COL27A1: variants seen among roughly 807,000 people sequenced by gnomAD.
The protein encoded by COL27A1 is collagen type XXVII alpha 1 chain.
Under a neutral mutation model 251.3 loss-of-function variants are expected in COL27A1, and 106 were observed. The ratio of observed to expected loss-of-function variants is 0.42; its 90% confidence interval spans 0.36 to 0.50. The LOEUF (loss-of-function observed/expected upper bound fraction) is 0.50, where lower values mean the gene tolerates loss of function less well. Ranked by LOEUF, COL27A1 falls within the 20% of genes least tolerant of loss-of-function variation. COL27A1 has a pLI of 0.00. For missense variants in COL27A1, 2,325 were observed against 2,522.8 expected, an observed-to-expected ratio of 0.92 and a Z score of 1.68; for synonymous variants, 1,000 against 986.3, an observed-to-expected ratio of 1.01 and a Z score of -0.26.
Position 114,270,747 on chromosome 9 carries a change from G to A in COL27A1, c.3575G>A (p.Gly1192Asp). 6.2e-7 allele frequency: 1 copy of A among 1,613,052 alleles called. No individual in the cohort carries two copies. The highest frequency in any genetic ancestry group is 8.5e-7 in the Non-Finnish European group (1 of 1,179,524). Reference protein sequence around the residue: ...IGQRGEPGLEGDSGPMGPDGL... With the variant: ...IGQRGEPGLEDDSGPMGPDGL... The stretch of plus-strand genomic sequence containing the variant: ...TTCCAGGGAGAGCCAGGCCTTGAGG[G>A]TGACAGTGGCCCCATGGGACCTGAT... The change falls in exon 36 of 61, where the codon GGT (glycine) becomes GAT (aspartate). Residue 1192 changes from glycine to aspartate, a missense_variant. Around this residue, in one of 4 missense-constraint regions of COL27A1, gnomAD observed 662 missense variants for 795.3 expected, o/e 0.83. Coordinates refer to ENST00000356083, the MANE Select transcript of COL27A1 (RefSeq NM_032888.4).
At chr9:114,257,010 A>C (rs1263945346) in intron 27 of COL27A1, among the ~76,000 whole-genome samples, 1 of 152,152 alleles carries the variant, frequency 6.6e-6, no homozygotes, top group Non-Finnish European at 1.5e-5. Flanking sequence ...GCCCGGGTCC[A>C]CACCCTGCTT....
intron 5 of COL27A1, among the ~76,000 whole-genome samples, chr9:114,186,432 G>A (rs542838434): frequency 5.9e-5 from 9 of 152,338 alleles, no homozygotes; most frequent in Non-Finnish European, 1.0e-4. Flanking sequence ...AGAGGTGAGC[G>A]AGAAAGCAAA....
intron 10 of COL27A1, among the ~76,000 whole-genome samples, chr9:114,207,284 A>G (rs1830033644): frequency 6.6e-6 from 1 of 152,056 alleles, no homozygotes; most frequent in South Asian, 2.1e-4. Context: ...GGCTGTTAGG[A>G]GAGTGTGGGG....
Position 114,290,888 on chromosome 9 carries a change from C to G in COL27A1, c.4447C>G (p.Pro1483Ala). Residue 1483 changes from proline (P) to alanine (A), a missense_variant, in exon 48 of 61, where the codon CCT becomes GCT. By Grantham distance (27) the Pro-to-Ala change is conservative. Around this residue, in one of 4 missense-constraint regions of COL27A1, gnomAD observed 153 missense variants for 140.7 expected, o/e 1.09. Coordinates refer to ENST00000356083, the MANE Select transcript of COL27A1 (RefSeq NM_032888.4). This position sits in a 1 kb window ranked among gnomAD's most constrained non-coding sequence, Gnocchi z 4.6. ...KRGNPGVAGL[P>A]GAQGPPGFKG... ...AGGAAATCCAGGTGTGGCCGGCTTACCTGGAGCACAGGGACCCCCAGGATT... is the reference window on the plus strand; with the variant it reads ...AGGAAATCCAGGTGTGGCCGGCTTAGCTGGAGCACAGGGACCCCCAGGATT... 1 of 1,551,694 alleles carries G rather than the reference C, an allele frequency of 6.4e-7. No individual in the cohort carries two copies. The highest frequency in any genetic ancestry group is 8.7e-7 in the Non-Finnish European group (1 of 1,147,004).
At chr9:114,250,550 G>T (rs1833469853) in intron 24 of COL27A1, 65 bp from the exon 25 acceptor site, 1 of 1,458,384 alleles carries the variant, frequency 6.9e-7, no homozygotes, top group South Asian at 1.1e-5. Context: ...TTCAGGGGAA[G>T]GAGCGGGAGG....
Position 114,169,415 on chromosome 9 carries a change from C to T in COL27A1, c.1860C>T (p.Phe620=), listed in dbSNP as rs749117042. Residue 620 remains phenylalanine (F), a synonymous_variant, in exon 3 of 61, where the codon TTC becomes TTT. Transcript: ENST00000356083. ...SIFHLAGSTP[F]PLLMGPPGPK... Reference sequence around the variant, plus strand: ...TCCACCTGGCAGGATCTACGCCTTTCCCTCTGCTGATGGGGCCTCCGGGAC... The same window carrying T: ...TCCACCTGGCAGGATCTACGCCTTTTCCTCTGCTGATGGGGCCTCCGGGAC... The T allele has an allele frequency of 6.3e-7, 1 of 1,587,454 alleles. No homozygotes were observed. Among genetic ancestry groups the T allele is most frequent in the Admixed American group, 1.8e-5 (1 of 56,384 alleles).
chr9:114,270,318 A>G (rs1293184607), intron 35 of COL27A1, among the ~76,000 whole-genome samples: 1 of 152,222 alleles, frequency 6.6e-6, no homozygotes, highest in Non-Finnish European at 1.5e-5. Context: ...ACCAAGAAGT[A>G]GCATTGACGT....
chr9:114,238,606 A>G (rs1334380918), intron 19 of COL27A1, among the ~76,000 whole-genome samples: 3 of 152,202 alleles, frequency 2.0e-5, no homozygotes, highest in Admixed American at 2.0e-4. Context: ...AAAAGCTACA[A>G]GTTCTGACTT....
chr9:114,288,641 C>T (rs1331703632), intron 42 of COL27A1, 61 bp from the exon 43 acceptor site: 1 of 1,576,678 alleles, frequency 6.3e-7, no homozygotes, highest in African/African-American at 1.3e-5. Flanking sequence ...GCCAACAGGG[C>T]CCAGGGCTGG....
intron 14 of COL27A1, among the ~76,000 whole-genome samples, chr9:114,228,469 G>A (rs985832756): frequency 5.9e-5 from 9 of 152,198 alleles, no homozygotes; most frequent in East Asian, 1.9e-4. Flanking sequence ...GCAGCTCTCT[G>A]CAGAGAGCTG....
chr9:114,167,743 C>A lies in COL27A1; in HGVS notation c.188C>A (p.Ala63Glu). Residue 63 changes from alanine to glutamate, a missense_variant, in exon 3 of 61, where the codon GCA (alanine) becomes GAA (glutamate). Ala to Glu is a moderately radical substitution (Grantham distance 107, BLOSUM62 -1). Around this residue, in one of 4 missense-constraint regions of COL27A1, gnomAD observed 1,183 missense variants for 1,144.1 expected, o/e 1.03. Transcript: ENST00000356083. ...AGCTGGACGAAGGCCGGGAGCCCTG[C>A]ACCCCCGGGAGTCATTCCTTTCCAG... ...GLSWTKAGSPAPPGVIPFQSG... is the reference protein window; with the variant it reads ...GLSWTKAGSPEPPGVIPFQSG... The A allele has an allele frequency of 6.2e-7, 1 of 1,613,806 alleles. No homozygotes were observed. Among genetic ancestry groups the A allele is most frequent in the Non-Finnish European group, 8.5e-7 (1 of 1,179,966 alleles).
At chr9:114,240,594 C>G in intron 21 of COL27A1, 107 bp downstream of exon 21, 1 of 1,045,008 alleles carries the variant, frequency 9.6e-7, no homozygotes, top group East Asian at 2.4e-5. Context: ...GCCCCCTCAG[C>G]CAGGACACCA....
At chr9:114,177,950 C>T (rs1263358055) in intron 3 of COL27A1, among the ~76,000 whole-genome samples, 1 of 152,192 alleles carries the variant, frequency 6.6e-6, no homozygotes, top group East Asian at 1.9e-4. Context: ...ATGGGAGACA[C>T]AGGCTTCTAA....
chr9:114,224,170 G>A (rs1831305353), intron 14 of COL27A1, among the ~76,000 whole-genome samples: 2 of 152,180 alleles, frequency 1.3e-5, no homozygotes, highest in South Asian at 4.2e-4. Flanking sequence ...AGAAATATCT[G>A]CCATGGGAAT....
At chr9:114,306,487 A>G in intron 57 of COL27A1, 33 bp from the exon 58 acceptor site, 1 of 1,610,768 alleles carries the variant, frequency 6.2e-7, no homozygotes, top group South Asian at 1.1e-5. Flanking sequence ...CCAGGACCCT[A>G]AGGTCCCAAT....
chr9:114,277,493 A>G (rs1458963904), intron 37 of COL27A1, among the ~76,000 whole-genome samples: 1 of 152,162 alleles, frequency 6.6e-6, no homozygotes, highest in African/African-American at 2.4e-5. Context: ...TACATGACTA[A>G]CCTAGGACAG....
intron 20 of COL27A1, 57 bp downstream of exon 20, chr9:114,240,330 A>G: frequency 6.3e-7 from 1 of 1,581,416 alleles, no homozygotes; most frequent in South Asian, 1.2e-5. Flanking sequence ...TGCAGAAACC[A>G]CAGGGGCTGG....
chr9:114,240,558 T>A, intron 21 of COL27A1, 71 bp downstream of exon 21: 1 of 1,444,510 alleles, frequency 6.9e-7, no homozygotes, highest in Non-Finnish European at 9.4e-7. Context: ...CTGTCCTGGG[T>A]ACTGAAGGCC....
At chr9:114,263,985 G>A (rs969090162) in intron 28 of COL27A1, among the ~76,000 whole-genome samples, 1 of 152,254 alleles carries the variant, frequency 6.6e-6, no homozygotes, top group Non-Finnish European at 1.5e-5. Context: ...TGGCAGCAGA[G>A]TCTGAAGAGT....
Sources: gnomAD v4.1 joint callset for allele counts (sites outside exome capture counted in the v4.1 genomes callset) on GRCh38, gnomAD v4.1.1 for gene constraint, gnomAD v4.1.1 regional missense constraint, Gnocchi (gnomAD v3.1) non-coding constraint, MANE v1.5 for transcripts, NCBI Gene and HGNC (gene_info 2026-07-23, HGNC 2026-07-21) for gene names.